The following CNTNAP2 variants were observed in gnomAD, a reference collection of about 807,000 sequenced individuals.
CNTNAP2 encodes contactin associated protein 2.
Under a neutral mutation model 155.2 loss-of-function variants are expected in CNTNAP2, and 98 were observed. The observed-to-expected ratio is 0.63, with a 90% CI of 0.54 to 0.75. The LOEUF is 0.75. CNTNAP2 is among the 30% of genes least tolerant of loss of function. The pLI is 0.00. For synonymous variants in CNTNAP2, 651 were observed against 631.2 expected, an observed-to-expected ratio of 1.03 and a Z score of -0.47; for missense variants, 1,727 against 1,688.1, an observed-to-expected ratio of 1.02 and a Z score of -0.40.
intron 3 of CNTNAP2, among the ~76,000 whole-genome samples, chr7:147,028,889 A>G (rs1367293503): frequency 6.6e-6 from 1 of 152,130 alleles, no homozygotes; most frequent in Non-Finnish European, 1.5e-5. Flanking sequence ...TAGAAGAAGA[A>G]GAAAAATCCA....
At chr7:148,105,138 T>C (rs773695375) in intron 15 of CNTNAP2, among the ~76,000 whole-genome samples, 3 of 152,188 alleles carry the variant, frequency 2.0e-5, no homozygotes, top group Non-Finnish European at 4.4e-5. Context: ...ACAAGTTAGA[T>C]GCAATGATAG....
At chr7:146,761,264 T>C (rs568606122) in intron 1 of CNTNAP2, among the ~76,000 whole-genome samples, 1 of 148,630 alleles carries the variant, frequency 6.7e-6, no homozygotes, top group South Asian at 2.1e-4. Flanking sequence ...GAATGCAGAA[T>C]TACTAATTGT....
intron 22 of CNTNAP2, among the ~76,000 whole-genome samples, chr7:148,388,302 A>G (rs1187285716): frequency 1.9e-5 from 1 of 51,512 alleles, no homozygotes; most frequent in African/African-American, 7.8e-5. Context: ...CCCTCCCCCC[A>G]CCCCACAATA....
At chr7:146,884,797 A>G (rs897710988) in intron 3 of CNTNAP2, among the ~76,000 whole-genome samples, 25 of 152,152 alleles carry the variant, frequency 1.6e-4, no homozygotes, top group Admixed American at 5.9e-4. Context: ...AGAGTAAATT[A>G]CTTTGTAAAT....
chr7:148,002,381 C>G (rs1448053297), intron 15 of CNTNAP2, among the ~76,000 whole-genome samples: 2 of 152,016 alleles, frequency 1.3e-5, no homozygotes, highest in Admixed American at 1.3e-4. Context: ...TTAAGAATTT[C>G]CTTATCTATG....
chr7:147,595,454 C>T (rs1015456172), intron 12 of CNTNAP2, among the ~76,000 whole-genome samples: 4 of 152,116 alleles, frequency 2.6e-5, no homozygotes, highest in Admixed American at 1.3e-4. Flanking sequence ...CAACATGTAA[C>T]TCATATTTAC....
intron 1 of CNTNAP2, among the ~76,000 whole-genome samples, chr7:146,222,863 G>A (rs1027980951): frequency 4.6e-5 from 7 of 151,818 alleles, no homozygotes; most frequent in Non-Finnish European, 8.8e-5. Context: ...GTTTTACCAT[G>A]TTAGCCAGGA....
chr7:147,495,760 G>C (rs7779464), intron 11 of CNTNAP2, among the ~76,000 whole-genome samples: 2 of 151,948 alleles, frequency 1.3e-5, no homozygotes, highest in Non-Finnish European at 2.9e-5. Context: ...TTTTTAAATC[G>C]TGAAACAACT....
rs886062049 is a variant in CNTNAP2 at position 146,116,963 on chromosome 7, C to T, written c.87C>T (p.Pro29=). Residue 29 remains proline, a synonymous_variant, in exon 1 of 24, where the codon CCC becomes CCT. Coordinates refer to ENST00000361727, the MANE Select transcript of CNTNAP2 (RefSeq NM_014141.6). This position sits in a 1 kb window ranked among gnomAD's most constrained non-coding sequence, Gnocchi z 5.5. ...GCCTCTGCAGAGCCTGGACGGCTCCCTCCACGTCCCGTAAGTAGCCGTCTC... is the reference window on the plus strand; with the variant it reads ...GCCTCTGCAGAGCCTGGACGGCTCCTTCCACGTCCCGTAAGTAGCCGTCTC... ...SSCLCRAWTA[P]STSQKCDEPL... 26 of 1,551,550 alleles carry T rather than the reference C, an allele frequency of 1.7e-5. No homozygotes were observed. The highest frequency in any genetic ancestry group is 1.1e-4 in the South Asian group (9 of 84,120).
intron 4 of CNTNAP2, among the ~76,000 whole-genome samples, chr7:147,097,205 A>G (rs1305055993): frequency 1.3e-5 from 2 of 152,238 alleles, no homozygotes; most frequent in African/African-American, 4.8e-5. Flanking sequence ...CACCTATTAC[A>G]TATTGCTACT....
intron 21 of CNTNAP2, among the ~76,000 whole-genome samples, chr7:148,320,135 C>A (rs567521869): frequency 6.6e-6 from 1 of 152,148 alleles, no homozygotes; most frequent in African/African-American, 2.4e-5. Context: ...TGGCTGCATT[C>A]GAGTTGCTGA....
At chr7:148,050,397 A>G (rs1802866279) in intron 15 of CNTNAP2, among the ~76,000 whole-genome samples, 2 of 152,228 alleles carry the variant, frequency 1.3e-5, no homozygotes, top group African/African-American at 4.8e-5. Flanking sequence ...TTTAAAGTAC[A>G]AAAATGAAAA....
intron 10 of CNTNAP2, among the ~76,000 whole-genome samples, chr7:147,412,019 C>T (rs534313905): frequency 9.8e-5 from 15 of 152,304 alleles, no homozygotes; most frequent in Middle Eastern, 6.8e-3. Context: ...TATCAAACTT[C>T]AGGCTTAGAC....
intron 11 of CNTNAP2, among the ~76,000 whole-genome samples, chr7:147,532,841 A>AGAC (rs1799467104): frequency 6.6e-6 from 1 of 152,202 alleles, no homozygotes; most frequent in African/African-American, 2.4e-5. Flanking sequence ...AGAGTGGGAA[A>AGAC]GACCAGCCCC....
intron 16 of CNTNAP2, among the ~76,000 whole-genome samples, chr7:148,135,497 C>T (rs947823362): frequency 7.2e-5 from 11 of 152,036 alleles, no homozygotes; most frequent in African/African-American, 2.7e-4. Context: ...TATGCGATTG[C>T]TTTTTATCAC....
intron 1 of CNTNAP2, among the ~76,000 whole-genome samples, chr7:146,337,249 A>C (rs538242269): frequency 6.6e-6 from 1 of 152,124 alleles, no homozygotes; most frequent in South Asian, 2.1e-4. Context: ...GGATATGTAC[A>C]AATTTGGGTC....
At position 148,075,628 on chromosome 7, in the gene CNTNAP2, A is replaced by G. The variant is rs1803470407; in HGVS notation, c.2384-42490A>G. Among the ~76,000 whole-genome samples the G allele has an allele frequency of 6.6e-5, 10 of 152,310 alleles. No individual in the cohort carries two copies. The South Asian group carries it at 2.1e-3, about 32-fold the overall frequency. On this transcript the variant is annotated intron_variant, in intron 15 of 23. Transcript: ENST00000361727. ...AAAAAATGGAGCCTCAGCAACAACA[A>G]CAAAAATTATAACTTTTAAAGAGAT...
chr7:147,281,232 T>A (rs1484439384), intron 8 of CNTNAP2, among the ~76,000 whole-genome samples: 1 of 151,932 alleles, frequency 6.6e-6, no homozygotes, highest in Non-Finnish European at 1.5e-5. Flanking sequence ...TGGTGCAAGA[T>A]TTTTATAACG....
intron 11 of CNTNAP2, among the ~76,000 whole-genome samples, chr7:147,525,630 T>G (rs1265861252): frequency 6.6e-6 from 1 of 152,176 alleles, no homozygotes; most frequent in Admixed American, 6.5e-5. Flanking sequence ...GTCCTTGAAC[T>G]TTATTCTGGA....
Sources: gnomAD v4.1 joint callset for allele counts (sites outside exome capture counted in the v4.1 genomes callset) on GRCh38, gnomAD v4.1.1 for gene constraint, Gnocchi (gnomAD v3.1) non-coding constraint, MANE v1.5 for transcripts, NCBI Gene and HGNC (gene_info 2026-07-23, HGNC 2026-07-21) for gene names.